The following TAF5L variants were observed in gnomAD, a reference collection of about 807,000 sequenced individuals.
TAF5L encodes the protein TAF5-like RNA polymerase II p300/CBP-associated factor-associated factor 65 kDa subunit 5L.
Under a neutral mutation model 51.3 loss-of-function variants are expected in TAF5L, and 7 were observed. The observed-to-expected ratio is 0.14, with a 90% CI of 0.08 to 0.26. TAF5L has a LOEUF of 0.26. Among genes scored for constraint, TAF5L ranks in the 10% least tolerant of loss-of-function variants. The probability of loss-of-function intolerance (pLI) is 1.00; values close to 1 mark genes in which losing one functional copy is unlikely to be tolerated. For synonymous variants in TAF5L, 291 were observed against 308.1 expected (o/e 0.94, Z 0.58); for missense variants, 575 against 758.9 (o/e 0.76, Z 2.85).
intron 4 of TAF5L, chr1:229,600,164 C>A (rs892226796): frequency 4.1e-6 from 4 of 985,210 alleles, no homozygotes; most frequent in Non-Finnish European, 4.8e-6. Context: ...CACCAACTAT[C>A]GTAACTAATT....
At position 229,602,927 on chromosome 1, in the gene TAF5L, G is replaced by T; in HGVS notation, c.248-8C>A. 1.9e-6 allele frequency: 3 copies of T among 1,573,820 alleles called. No individual in the cohort carries two copies. Among genetic ancestry groups the T allele is most frequent in the Non-Finnish European group, 2.6e-6 (3 of 1,168,838 alleles). The stretch of plus-strand genomic sequence containing the variant: ...TATGCTGGGAATCAGAATCTATAAT[G>T]AAAGAAAAAGAAGGCTTTATAATCA... On this transcript the variant is annotated splice_polypyrimidine_tract_variant and splice_region_variant and intron_variant, in intron 3 of 4. Transcript: ENST00000258281. This position sits in a 1 kb window ranked among gnomAD's most constrained non-coding sequence, Gnocchi z 4.6.
chr1:229,606,209 A>C, intron 3 of TAF5L: 1 of 983,898 alleles, frequency 1.0e-6, no homozygotes, highest in South Asian at 4.7e-5. Context: ...TATAAAACAA[A>C]AAAACTGATC....
Position 229,625,882 on chromosome 1 carries a change from C to G in TAF5L, c.-4+3G>C, listed in dbSNP as rs529492247. On this transcript the variant is annotated splice_donor_region_variant and intron_variant, in intron 1 of 4. Coordinates refer to ENST00000258281, the Ensembl canonical transcript of TAF5L. The surrounding 1 kb of genome is among the most constrained non-coding windows in gnomAD (Gnocchi z 4.0). ...CCTCCCCGCCCGTGCTCCCGGCACT[C>G]ACTGAACATCCCAGGCGGCTCCGGC... is the stretch of plus-strand genomic sequence containing the variant. 3.9e-4 allele frequency: 56 copies of G among 144,756 alleles called. No individual in the cohort carries two copies. Among genetic ancestry groups the G allele is most frequent in the African/African-American group, 1.4e-3 (55 of 40,096 alleles). 9.0% of individuals were successfully genotyped at this position (144,756 alleles called of 1,614,324 possible).
In TAF5L at chr1:229,619,610, C is replaced by G. The variant is rs185717393; in HGVS notation, c.-3-5125G>C. On this transcript the variant is annotated intron_variant, in intron 1 of 4. Coordinates refer to ENST00000258281, the Ensembl canonical transcript of TAF5L. ...GTTTCATCAACTACTTACCCTACAG[C>G]CTTCCACCTACGCTATTCTAAACCT... Among the ~76,000 whole-genome samples the G allele has an allele frequency of 3.9e-3, 587 of 152,310 alleles. 5 individuals carry two copies. The highest frequency in any genetic ancestry group is 4.1e-3 in the South Asian group (20 of 4,830).
At position 229,594,401 on chromosome 1, in the gene TAF5L, C is replaced by A. The variant is rs372457195; in HGVS notation, c.1666G>T (p.Val556Leu). The change falls in exon 5 of 5, where the codon GTG (valine) becomes TTG (leucine). Residue 556 changes from valine (V) to leucine (L), a missense_variant. Around this residue, in one of 3 missense-constraint regions of TAF5L, gnomAD observed 91 missense variants for 96.9 expected, o/e 0.94. Transcript: ENST00000258281. This position sits in a 1 kb window ranked among gnomAD's most constrained non-coding sequence, Gnocchi z 7.9. ...CTCATCTGCCCGGTGTACACGCCCA[C>A]GAGCTCGCTGGAGGAGCCGTCGGCA... 2.3e-5 allele frequency: 37 copies of A among 1,614,084 alleles called. No homozygotes were observed. The highest frequency in any genetic ancestry group is 2.3e-4 in the African/African-American group (17 of 74,926).
intron 1 of TAF5L, among the ~76,000 whole-genome samples, chr1:229,621,320 A>G (rs561320369): frequency 6.6e-6 from 1 of 152,278 alleles, no homozygotes; most frequent in East Asian, 1.9e-4. Flanking sequence ...CTTACTAATG[A>G]CAAAGTCTCC....
chr1:229,602,777 A>G lies in TAF5L; in HGVS notation c.390T>C (p.Asn130=). ...GCTCAATGACATCCTTCTGGCTAGC[A>G]TTCTGCAGAAACATTCCATGGAAGC... The change falls in exon 4 of 5, where the codon AAT becomes AAC. Residue 130 remains asparagine (N), a synonymous_variant. Coordinates refer to ENST00000258281, the Ensembl canonical transcript of TAF5L. This position sits in a 1 kb window ranked among gnomAD's most constrained non-coding sequence, Gnocchi z 4.6. 6.2e-7 allele frequency: 1 copy of G among 1,614,136 alleles called. No homozygotes were observed. Among genetic ancestry groups the G allele is most frequent in the Non-Finnish European group, 8.5e-7 (1 of 1,180,034 alleles).
At chr1:229,621,016 A>T (rs1665182946) in intron 1 of TAF5L, among the ~76,000 whole-genome samples, 1 of 151,820 alleles carries the variant, frequency 6.6e-6, no homozygotes, top group South Asian at 2.1e-4. Flanking sequence ...TCAATTTTTC[A>T]TTCCAGAGCA....
intron 3 of TAF5L, among the ~76,000 whole-genome samples, chr1:229,604,285 C>A (rs2102748279): frequency 6.6e-6 from 1 of 151,124 alleles, no homozygotes; most frequent in South Asian, 2.1e-4. Context: ...CATGTTATTT[C>A]TGCTTAACAC....
In TAF5L at chr1:229,602,332, C is replaced by G; in HGVS notation, c.835G>C (p.Asp279His). 1 of 1,614,102 alleles carries G rather than the reference C, an allele frequency of 6.2e-7. No individual in the cohort carries two copies. Reference sequence around the variant, plus strand: ...AACCCAGCAGCAAGCAGCTTGCTATCGGGGGAGATTTCTGCAGTGTTCAAC... The same window carrying G: ...AACCCAGCAGCAAGCAGCTTGCTATGGGGGGAGATTTCTGCAGTGTTCAAC... The change falls in exon 4 of 5, where the codon GAT becomes CAT. Residue 279 changes from aspartate (D) to histidine (H), a missense_variant. Physicochemically the swap from Asp to His is moderately conservative, Grantham distance 81. Around this residue, in one of 3 missense-constraint regions of TAF5L, gnomAD observed 380 missense variants for 443.7 expected, o/e 0.86. Coordinates refer to ENST00000258281, the Ensembl canonical transcript of TAF5L. This position sits in a 1 kb window ranked among gnomAD's most constrained non-coding sequence, Gnocchi z 4.6.
At chr1:229,616,736 A>G (rs1449813314) in intron 1 of TAF5L, among the ~76,000 whole-genome samples, 1 of 152,216 alleles carries the variant, frequency 6.6e-6, no homozygotes, top group Non-Finnish European at 1.5e-5. Context: ...AAGTCATACA[A>G]CAGAGCAAAC....
chr1:229,621,374 T>C (rs542341596), intron 1 of TAF5L, among the ~76,000 whole-genome samples: 2 of 151,180 alleles, frequency 1.3e-5, no homozygotes, highest in Non-Finnish European at 2.9e-5. Context: ...CCTTTTATTA[T>C]TGCCAAACAT....
chr1:229,601,070 A>C, intron 4 of TAF5L: 2 of 983,268 alleles, frequency 2.0e-6, no homozygotes, highest in Non-Finnish European at 2.4e-6. Flanking sequence ...GAGTACTATA[A>C]AATTCTAGAA....
intron 3 of TAF5L, among the ~76,000 whole-genome samples, chr1:229,605,702 C>CA (rs1261135496): frequency 2.0e-5 from 3 of 151,802 alleles, no homozygotes; most frequent in Non-Finnish European, 4.4e-5. Context: ...CTCATCCAAT[C>CA]AATCAATCAA....
chr1:229,606,782 T>C (rs927745302), intron 3 of TAF5L: 25 of 985,342 alleles, frequency 2.5e-5, no homozygotes, highest in African/African-American at 3.5e-5. Context: ...CAGAGGTTGC[T>C]TGACTCCAAA....
chr1:229,618,844 C>G (rs1467727889), intron 1 of TAF5L, among the ~76,000 whole-genome samples: 1 of 152,086 alleles, frequency 6.6e-6, no homozygotes, highest in African/African-American at 2.4e-5. Flanking sequence ...AAGTACTACA[C>G]AGTTCCACGA....
intron 4 of TAF5L, among the ~76,000 whole-genome samples, chr1:229,598,904 G>A (rs900541370): frequency 3.3e-5 from 5 of 152,108 alleles, no homozygotes; most frequent in African/African-American, 4.8e-5. Flanking sequence ...TCACCATCTT[G>A]GCCAGGCTGG....
chr1:229,614,414 C>T, exon 2 of TAF5L: 1 of 1,614,186 alleles, frequency 6.2e-7, no homozygotes, highest in Non-Finnish European at 8.5e-7. Flanking sequence ...CATCTGAGTC[C>T]ACGTACTGCC....
At chr1:229,604,674 G>A (rs546765188) in intron 3 of TAF5L, among the ~76,000 whole-genome samples, 1 of 152,214 alleles carries the variant, frequency 6.6e-6, no homozygotes, top group African/African-American at 2.4e-5. Context: ...CACCCCTGAA[G>A]AATGAAGGTT....
Sources: allele counts gnomAD v4.1 joint callset (sites outside exome capture counted in the v4.1 genomes callset), GRCh38; gene constraint gnomAD v4.1.1; regional missense constraint gnomAD v4.1.1; non-coding constraint Gnocchi (gnomAD v3.1); transcripts MANE v1.5; gene names NCBI Gene and HGNC (gene_info 2026-07-23, HGNC 2026-07-21).